The following SHISA9 variants were observed in gnomAD, a reference collection of about 807,000 sequenced individuals.
SHISA9 encodes shisa family member 9.
A neutral mutation model predicts 38.0 loss-of-function variants in SHISA9; 13 were observed. That is an observed-to-expected ratio of 0.34 (90% CI 0.22 to 0.54). SHISA9 has a LOEUF of 0.54. Ranked by LOEUF, SHISA9 falls within the 20% of genes least tolerant of loss-of-function variation. The pLI is 0.91. For synonymous variants in SHISA9, 275 were observed against 242.0 expected (o/e 1.14, Z -1.27); for missense variants, 538 against 575.8 (o/e 0.93, Z 0.67).
intron 2 of SHISA9, among the ~76,000 whole-genome samples, chr16:13,184,589 C>T (rs556926477): frequency 6.6e-6 from 1 of 152,210 alleles, no homozygotes; most frequent in East Asian, 1.9e-4. Context: ...TAGTTTTGTT[C>T]CCCCACCACC....
the SHISA9 span, among the ~76,000 whole-genome samples, chr16:13,468,329 G>T: frequency 6.6e-6 from 1 of 152,138 alleles, no homozygotes; most frequent in Non-Finnish European, 1.5e-5. Context: ...GGGAGATGAG[G>T]TTCAGAGAGG....
chr16:13,262,213 C>T, the SHISA9 span, among the ~76,000 whole-genome samples: 1 of 152,186 alleles, frequency 6.6e-6, no homozygotes, highest in Non-Finnish European at 1.5e-5. Flanking sequence ...CAAAACCAGT[C>T]CTGATATGCT....
At chr16:13,243,444 G>T (rs569620616), downstream of SHISA9, among the ~76,000 whole-genome samples, 5 of 151,976 alleles carry the variant, frequency 3.3e-5, no homozygotes, top group East Asian at 5.8e-4. Flanking sequence ...AACTCAAAGT[G>T]GGGGGGCTTC....
At chr16:13,382,785 G>C in the SHISA9 span, among the ~76,000 whole-genome samples, 1 of 152,086 alleles carries the variant, frequency 6.6e-6, no homozygotes, top group African/African-American at 2.4e-5. Flanking sequence ...TTGAACCCAG[G>C]AGGCAGAAGC....
chr16:13,352,534 A>G, the SHISA9 span, among the ~76,000 whole-genome samples: 1 of 152,032 alleles, frequency 6.6e-6, no homozygotes, highest in Non-Finnish European at 1.5e-5. Flanking sequence ...GTGGAAATGT[A>G]AGGGCTCCTG....
At chr16:13,045,113 C>T (rs997902343) in intron 2 of SHISA9, among the ~76,000 whole-genome samples, 9 of 152,142 alleles carry the variant, frequency 5.9e-5, no homozygotes, top group African/African-American at 2.2e-4. Context: ...AGAGATTCAA[C>T]ATGCTTGTTA....
At chr16:13,530,097 G>A in the SHISA9 span, among the ~76,000 whole-genome samples, 2 of 152,188 alleles carry the variant, frequency 1.3e-5, no homozygotes, top group East Asian at 3.9e-4. Context: ...TCAGGAGTTC[G>A]AGGCCAGCCT....
chr16:13,311,704 G>A, the SHISA9 span, among the ~76,000 whole-genome samples: 3 of 152,288 alleles, frequency 2.0e-5, no homozygotes, highest in East Asian at 1.9e-4. Flanking sequence ...GATTGTTCTC[G>A]TTGGTTCCTT....
chr16:13,084,340 A>G (rs1015433974), intron 2 of SHISA9, among the ~76,000 whole-genome samples: 5 of 152,210 alleles, frequency 3.3e-5, no homozygotes, highest in Admixed American at 1.3e-4. Flanking sequence ...ATATGTTCCC[A>G]TGAACTCAAT....
chr16:13,353,922 G>A, the SHISA9 span, among the ~76,000 whole-genome samples: 1 of 152,144 alleles, frequency 6.6e-6, no homozygotes, highest in Non-Finnish European at 1.5e-5. Flanking sequence ...ACTGTATTGA[G>A]ATGGGAAGGC....
intron 2 of SHISA9, among the ~76,000 whole-genome samples, chr16:13,202,861 A>G (rs1332326823): frequency 2.0e-5 from 3 of 152,200 alleles, no homozygotes; most frequent in Admixed American, 6.5e-5. Context: ...CAGTCAACAT[A>G]TACATACGCT....
the SHISA9 span, among the ~76,000 whole-genome samples, chr16:13,480,654 C>T: frequency 0.043 from 6,614 of 152,116 alleles, 253 homozygotes; most frequent in East Asian, 0.21. Flanking sequence ...TGTTTTGCAC[C>T]CTCTGAAGCA....
intron 4 of SHISA9, among the ~76,000 whole-genome samples, chr16:13,232,943 G>T (rs531807875): frequency 1.3e-5 from 2 of 152,166 alleles, no homozygotes; most frequent in African/African-American, 2.4e-5. Context: ...GGAGGGCCTG[G>T]AAGAAAAAAT....
At chr16:13,177,384 A>G (rs2050740226) in intron 2 of SHISA9, among the ~76,000 whole-genome samples, 1 of 152,160 alleles carries the variant, frequency 6.6e-6, no homozygotes, top group Non-Finnish European at 1.5e-5. Context: ...GACTCCCCAC[A>G]GAGACTATGG....
the SHISA9 span, among the ~76,000 whole-genome samples, chr16:13,247,118 C>T: frequency 6.6e-6 from 1 of 152,072 alleles, no homozygotes; most frequent in East Asian, 1.9e-4. Context: ...GGACCTTCTT[C>T]ACATGGTGGC....
At chr16:13,125,627 A>G (rs1411918017) in intron 2 of SHISA9, among the ~76,000 whole-genome samples, 1 of 152,254 alleles carries the variant, frequency 6.6e-6, no homozygotes, top group Non-Finnish European at 1.5e-5. Context: ...AGGTTACACT[A>G]TCCACTCTTG....
chr16:13,243,521 T>A (rs939737695), downstream of SHISA9, among the ~76,000 whole-genome samples: 8 of 152,104 alleles, frequency 5.3e-5, no homozygotes, highest in African/African-American at 1.4e-4. Context: ...AGACCTGGGA[T>A]CAATAGAAAG....
At chr16:13,254,481 G>C in the SHISA9 span, among the ~76,000 whole-genome samples, 4 of 152,220 alleles carry the variant, frequency 2.6e-5, no homozygotes, top group Non-Finnish European at 5.9e-5. Flanking sequence ...AGAGTTTAGG[G>C]AATCCCAGGA....
chr16:13,478,422 T>A, the SHISA9 span, among the ~76,000 whole-genome samples: 2 of 152,132 alleles, frequency 1.3e-5, no homozygotes, highest in Admixed American at 6.5e-5. Flanking sequence ...GTTGTTTAGG[T>A]CAAATCCCTT....
Sources: gnomAD v4.1 joint callset for allele counts (sites outside exome capture counted in the v4.1 genomes callset) on GRCh38, gnomAD v4.1.1 for gene constraint, MANE v1.5 for transcripts, NCBI Gene and HGNC (gene_info 2026-07-23, HGNC 2026-07-21) for gene names.